Variants in MBOAT2 observed in about 807,000 individuals in gnomAD.
The protein encoded by MBOAT2 is membrane bound glycerophospholipid O-acyltransferase 2.
A neutral mutation model predicts 63.4 loss-of-function variants in MBOAT2; 28 were observed. That is an observed-to-expected ratio of 0.44 (90% CI 0.33 to 0.61). The LOEUF (loss-of-function observed/expected upper bound fraction) is 0.61. Ranked by LOEUF, MBOAT2 falls within the 20% of genes least tolerant of loss-of-function variation. MBOAT2 has a pLI of 0.03. For synonymous variants in MBOAT2, 211 were observed against 215.6 expected, an observed-to-expected ratio of 0.98 and a Z score of 0.19; for missense variants, 470 against 605.8, an observed-to-expected ratio of 0.78 and a Z score of 2.35.
At chr2:8,888,801 G>T (rs1241932625) in intron 4 of MBOAT2, among the ~76,000 whole-genome samples, 1 of 152,040 alleles carries the variant, frequency 6.6e-6, no homozygotes, top group Admixed American at 6.6e-5. Context: ...GCTGAGGCGG[G>T]AGAATCGCTT....
intron 1 of MBOAT2, among the ~76,000 whole-genome samples, chr2:8,990,041 T>C (rs940267692): frequency 2.6e-5 from 4 of 152,234 alleles, no homozygotes; most frequent in African/African-American, 9.6e-5. Context: ...TCTTAGTCAC[T>C]ATAATCTAAA....
chr2:8,860,506 C>T, intron 12 of MBOAT2, 107 bp downstream of exon 12: 3 of 1,108,860 alleles, frequency 2.7e-6, no homozygotes, highest in Non-Finnish European at 4.0e-6. Flanking sequence ...CATTTATCAG[C>T]AGGAAATGTG....
intron 1 of MBOAT2, among the ~76,000 whole-genome samples, chr2:8,999,544 G>A (rs1025670329): frequency 2.0e-4 from 31 of 152,140 alleles, no homozygotes; most frequent in Admixed American, 5.9e-4. Flanking sequence ...TTTGGTGCTC[G>A]CTTTCGAGTC....
intron 1 of MBOAT2, among the ~76,000 whole-genome samples, chr2:8,988,843 C>A (rs1271938773): frequency 6.6e-6 from 1 of 152,038 alleles, no homozygotes; most frequent in Non-Finnish European, 1.5e-5. Flanking sequence ...ATCCTAAACT[C>A]ATGCATAATA....
intron 1 of MBOAT2, among the ~76,000 whole-genome samples, chr2:8,969,041 A>T (rs1670239195): frequency 6.6e-6 from 1 of 152,210 alleles, no homozygotes; most frequent in Middle Eastern, 3.2e-3. Context: ...CCACTCCTCG[A>T]GAAGTGCAAC....
chr2:8,958,300 AAGACTAAAG>A (rs1264452293), intron 2 of MBOAT2, among the ~76,000 whole-genome samples, 188 bp downstream of exon 2: 1 of 152,218 alleles, frequency 6.6e-6, no homozygotes, highest in East Asian at 1.9e-4. Context: ...ATTTTCCTCT[AAGACTAAAG>A]AGAGAGCAAG....
At chr2:8,914,592 TA>T (rs1205120459) in intron 3 of MBOAT2, among the ~76,000 whole-genome samples, 1 of 152,156 alleles carries the variant, frequency 6.6e-6, no homozygotes, top group African/African-American at 2.4e-5. Context: ...AATTGTGCAC[TA>T]AAAGTCTGTT....
At position 8,914,934 on chromosome 2, in the gene MBOAT2, C is replaced by CTTTTT. The variant is rs938665533; in HGVS notation, c.300-6223_300-6219dup. 4.3e-3 allele frequency among the ~76,000 whole-genome samples: 260 copies of CTTTTT among 60,252 alleles called. 1 individual carries two copies. The highest frequency in any genetic ancestry group is 5.1e-3 in the East Asian group (9 of 1,780). 39.5% of individuals were successfully genotyped at this position (60,252 alleles called of 152,430 possible). On this transcript the variant is annotated intron_variant, in intron 3 of 12. Transcript: ENST00000305997. Reference sequence around the variant, plus strand: ...TTTAAACTGTGACTACTGGAAATTTCTTTTTTTTTTTTTTTTTTTTTTTTG... The same window carrying CTTTTT: ...TTTAAACTGTGACTACTGGAAATTTCTTTTTTTTTTTTTTTTTTTTTTTTTTTTTG...
chr2:8,917,152 T>C (rs1416614753), intron 3 of MBOAT2, among the ~76,000 whole-genome samples: 1 of 152,190 alleles, frequency 6.6e-6, no homozygotes, highest in African/African-American at 2.4e-5. Context: ...GATCTAGGCA[T>C]AAAAACTAGA....
At chr2:8,917,157 AC>A (rs1034598470) in intron 3 of MBOAT2, among the ~76,000 whole-genome samples, 1 of 152,230 alleles carries the variant, frequency 6.6e-6, no homozygotes, top group Non-Finnish European at 1.5e-5. Context: ...AGGCATAAAA[AC>A]TAGAACTGTA....
chr2:8,869,139 T>G (rs890245023), intron 8 of MBOAT2, among the ~76,000 whole-genome samples: 1 of 151,924 alleles, frequency 6.6e-6, no homozygotes, highest in Non-Finnish European at 1.5e-5. Context: ...CTTGAACTCT[T>G]GGGCTCAAGC....
chr2:8,854,367 T>C lies in MBOAT2; in HGVS notation c.*4312A>G, dbSNP rs775309443. 1.3e-5 allele frequency: 2 copies of C among 152,238 alleles called. No homozygotes were observed. The highest frequency in any genetic ancestry group is 3.8e-4 in the East Asian group (2 of 5,206). The allele number at this position is 152,238 out of a possible 1,614,324, so 9.4% of individuals were successfully genotyped here. ...CTCATTAAATGCACACTGGGTTAAATGCAGCAGTTTTATAAGGTATTGAGG... is the reference window on the plus strand; with the variant it reads ...CTCATTAAATGCACACTGGGTTAAACGCAGCAGTTTTATAAGGTATTGAGG... On this transcript the variant is annotated 3_prime_UTR_variant, in exon 13 of 13. Transcript: ENST00000305997.
At chr2:8,955,690 C>G (rs1669163178) in intron 2 of MBOAT2, among the ~76,000 whole-genome samples, 1 of 152,182 alleles carries the variant, frequency 6.6e-6, no homozygotes, top group African/African-American at 2.4e-5. Flanking sequence ...GGGTTTGACT[C>G]CAATTTTGAA....
intron 4 of MBOAT2, among the ~76,000 whole-genome samples, chr2:8,894,355 T>C (rs1159855626): frequency 6.6e-6 from 1 of 152,190 alleles, no homozygotes; most frequent in African/African-American, 2.4e-5. Flanking sequence ...TAGTGGCAGC[T>C]AAACGGAATG....
chr2:8,926,197 T>C (rs764903547), intron 3 of MBOAT2, among the ~76,000 whole-genome samples: 1 of 152,164 alleles, frequency 6.6e-6, no homozygotes, highest in Non-Finnish European at 1.5e-5. Context: ...GGTGTGATCA[T>C]GGCTCACTGA....
chr2:8,970,645 T>A (rs1406651226), intron 1 of MBOAT2, among the ~76,000 whole-genome samples: 6 of 151,244 alleles, frequency 4.0e-5, no homozygotes, highest in Non-Finnish European at 7.4e-5. Context: ...AAAGAAGAAA[T>A]GAGAGAAGAA....
Position 8,892,850 on chromosome 2 carries a change from G to A in MBOAT2, c.396-4777C>T, listed in dbSNP as rs1325495562. 3.3e-5 allele frequency among the ~76,000 whole-genome samples: 5 copies of A among 152,064 alleles called. No individual in the cohort carries two copies. The South Asian group carries it at 8.3e-4, about 25-fold the overall frequency. On this transcript the variant is annotated intron_variant, in intron 4 of 12. Coordinates refer to ENST00000305997, the MANE Select transcript of MBOAT2 (RefSeq NM_138799.4). ...GGCATGTTGGAGGATCAGTACGGAGGCCAATGTGATGAGCAAGGAGGACAG... is the reference window on the plus strand; with the variant it reads ...GGCATGTTGGAGGATCAGTACGGAGACCAATGTGATGAGCAAGGAGGACAG...
Position 8,958,647 on chromosome 2 carries a change from A to G in MBOAT2, c.76-5T>C. 1 of 1,552,220 alleles carries G rather than the reference A, an allele frequency of 6.4e-7. No individual in the cohort carries two copies. Among genetic ancestry groups the G allele is most frequent in the Non-Finnish European group, 8.7e-7 (1 of 1,154,568 alleles). On this transcript the variant is annotated splice_region_variant and splice_polypyrimidine_tract_variant and intron_variant, in intron 1 of 12. Coordinates refer to ENST00000305997, the MANE Select transcript of MBOAT2 (RefSeq NM_138799.4). ...TTGGCACACTACAAAGTTGACCTGT[A>G]AAGAAAAATTAAAATTTTGTATTAG...
At chr2:8,986,207 CAAAAAAAAAAA>C (rs749608343) in intron 1 of MBOAT2, among the ~76,000 whole-genome samples, 2 of 74,404 alleles carry the variant, frequency 2.7e-5, no homozygotes, top group South Asian at 8.3e-4. Flanking sequence ...ACAAGGTCAC[CAAAAAAAAAAA>C]AAAAAAAAAG....
Sources: gnomAD v4.1 joint callset for allele counts (sites outside exome capture counted in the v4.1 genomes callset) on GRCh38, gnomAD v4.1.1 for gene constraint, MANE v1.5 for transcripts, NCBI Gene and HGNC (gene_info 2026-07-23, HGNC 2026-07-21) for gene names.